Variants in PRMT7 observed in about 807,000 individuals in gnomAD.
The protein encoded by PRMT7 is protein arginine methyltransferase 7.
A neutral mutation model predicts 85.4 loss-of-function variants in PRMT7; 75 were observed. The observed-to-expected ratio is 0.88, with a 90% CI of 0.73 to 1.06. The LOEUF is 1.06. Among genes scored for constraint, PRMT7 ranks in the 50% least tolerant of loss-of-function variants. PRMT7 has a pLI of 0.00. For missense variants in PRMT7, 868 were observed against 915.2 expected, an observed-to-expected ratio of 0.95 and a Z score of 0.67; for synonymous variants, 397 against 359.5, an observed-to-expected ratio of 1.10 and a Z score of -1.18.
downstream of PRMT7, chr16:68,359,828 G>C (rs1281849835): frequency 6.6e-6 from 1 of 152,532 alleles, no homozygotes; most frequent in Non-Finnish European, 1.5e-5. Flanking sequence ...TTAAAGGCAG[G>C]TGGGCAGAGG....
At chr16:68,343,552 C>G (rs1029927730) in intron 9 of PRMT7, among the ~76,000 whole-genome samples, 2 of 152,158 alleles carry the variant, frequency 1.3e-5, no homozygotes, top group African/African-American at 4.8e-5. Context: ...CTGTCACCAG[C>G]TCCTCAACGT....
intron 11 of PRMT7, 130 bp downstream of exon 11, chr16:68,346,410 G>A: frequency 7.5e-7 from 1 of 1,335,238 alleles, no homozygotes; most frequent in Non-Finnish European, 1.0e-6. Flanking sequence ...GCTTCAGCGA[G>A]CGCCTCCTGG....
intron 9 of PRMT7, among the ~76,000 whole-genome samples, chr16:68,343,080 C>T (rs556504315): frequency 7.2e-5 from 11 of 152,094 alleles, no homozygotes; most frequent in African/African-American, 9.6e-5. Context: ...TGGTGGCAGG[C>T]GCCTGTAATC....
In PRMT7 at chr16:68,344,933, T is replaced by TACACACACACACACACATACAC. The variant is rs1555563399; in HGVS notation, c.928-725_928-724insTACACACACACACACACACACA. On this transcript the variant is annotated intron_variant, in intron 9 of 18. Transcript: ENST00000441236. ...CTTTCTGCCTCCCTTCCTGCATCTC[T>TACACACACACACACACATACAC]ACACACACACACACACACACACACG... 1.3e-4 allele frequency among the ~76,000 whole-genome samples: 17 copies of TACACACACACACACACATACAC among 131,164 alleles called. No homozygotes were observed. In the East Asian group the frequency reaches 1.5e-3, roughly 12 times the overall value. 86.0% of individuals were successfully genotyped at this position (131,164 alleles called of 152,430 possible). A position where few individuals can be genotyped will look rare whatever the true frequency, so the allele number is the denominator to read the frequency against.
At chr16:68,319,590 T>TAAAAAAAA (rs58594681) in intron 3 of PRMT7, among the ~76,000 whole-genome samples, 1 of 135,880 alleles carries the variant, frequency 7.4e-6, no homozygotes. Flanking sequence ...GATGTGCCAT[T>TAAAAAAAA]AAAAAAAAAA....
At chr16:68,316,454 G>GA (rs2081869205) in intron 3 of PRMT7, among the ~76,000 whole-genome samples, 1 of 151,624 alleles carries the variant, frequency 6.6e-6, no homozygotes, top group South Asian at 2.1e-4. Context: ...TTTTCCCTTA[G>GA]AAGAAATATT....
intron 10 of PRMT7, 36 bp from the exon 11 acceptor site, chr16:68,346,109 C>T (rs1191784989): frequency 1.2e-6 from 2 of 1,610,200 alleles, no homozygotes; most frequent in Non-Finnish European, 8.5e-7. Context: ...TGGAGGCGCT[C>T]ACAGCCCACG....
chr16:68,323,421 T>A (rs2082738418), intron 4 of PRMT7, among the ~76,000 whole-genome samples: 1 of 152,080 alleles, frequency 6.6e-6, no homozygotes, highest in Admixed American at 6.6e-5. Context: ...GGTTTCACCA[T>A]GTTGGCCAGG....
chr16:68,337,461 G>A lies in PRMT7; in HGVS notation c.394G>A (p.Gly132Ser), dbSNP rs764561131. Residue 132 changes from glycine (G) to serine (S), a missense_variant and splice_region_variant, in exon 7 of 19, where the codon GGT becomes AGT. Coordinates refer to ENST00000441236, the MANE Select transcript of PRMT7 (RefSeq NM_019023.5). ...CTCTGTTTTCTTGTGTTTTTCAGAG[G>A]GTGACATGCCATGCCGTGCCAACAT... ...HSTEVTVGPE[G>S]DMPCRANILV... The A allele has an allele frequency of 3.1e-6, 5 of 1,603,444 alleles. No homozygotes were observed. The Admixed American group carries it at 8.8e-5, about 28-fold the overall frequency.
At chr16:68,335,689 A>G (rs1455676737) in intron 6 of PRMT7, among the ~76,000 whole-genome samples, 1 of 151,822 alleles carries the variant, frequency 6.6e-6, no homozygotes, top group Non-Finnish European at 1.5e-5. Flanking sequence ...CGGAGGGCTC[A>G]GGGATAGGAA....
At chr16:68,314,429 G>A (rs530025766) in intron 2 of PRMT7, among the ~76,000 whole-genome samples, 5 of 152,226 alleles carry the variant, frequency 3.3e-5, no homozygotes, top group Admixed American at 2.6e-4. Context: ...CGAGGGTTTC[G>A]CCATGTTGGC....
chr16:68,339,719 C>A, intron 8 of PRMT7, 69 bp from the exon 9 acceptor site: 1 of 1,580,222 alleles, frequency 6.3e-7, no homozygotes, highest in Non-Finnish European at 8.7e-7. Flanking sequence ...AGTGAAGTCA[C>A]TGTAAAAGCT....
At chr16:68,326,200 A>G (rs894984913) in intron 5 of PRMT7, among the ~76,000 whole-genome samples, 4 of 152,114 alleles carry the variant, frequency 2.6e-5, no homozygotes, top group African/African-American at 7.2e-5. Context: ...GTATATAAAT[A>G]CTTTCCCTAC....
At chr16:68,338,536 C>T (rs191484163) in intron 7 of PRMT7, among the ~76,000 whole-genome samples, 14 of 152,164 alleles carry the variant, frequency 9.2e-5, no homozygotes, top group Non-Finnish European at 1.8e-4. Context: ...GGAGACAGTC[C>T]GGACCAGGGA....
chr16:68,346,009 A>G (rs1347024831), intron 10 of PRMT7, 136 bp from the exon 11 acceptor site: 1 of 1,400,370 alleles, frequency 7.1e-7, no homozygotes, highest in Non-Finnish European at 9.7e-7. Context: ...TTTAGAGCAG[A>G]TGCGTAGGAA....
chr16:68,330,894 C>T (rs552319956), intron 6 of PRMT7, among the ~76,000 whole-genome samples: 1 of 152,244 alleles, frequency 6.6e-6, no homozygotes, highest in East Asian at 1.9e-4. Context: ...CGCGCCCGGC[C>T]TATCTTTTTT....
At chr16:68,322,463 G>T (rs566801789) in intron 4 of PRMT7, 53 of 444,428 alleles carry the variant, frequency 1.2e-4, no homozygotes, top group African/African-American at 8.8e-4. Context: ...CTCCCAAAGT[G>T]CTGGGATTAT....
intron 2 of PRMT7, among the ~76,000 whole-genome samples, chr16:68,312,633 A>G (rs776652646): frequency 6.6e-6 from 1 of 152,052 alleles, no homozygotes; most frequent in Non-Finnish European, 1.5e-5. Context: ...CCTCCTTGTA[A>G]ATGGCCATGC....
chr16:68,328,936 A>C, intron 5 of PRMT7, 130 bp from the exon 6 acceptor site: 1 of 617,382 alleles, frequency 1.6e-6, no homozygotes, highest in East Asian at 3.0e-5. Context: ...CATGATGCAC[A>C]TTTGGAGAAT....
Sources: allele counts gnomAD v4.1 joint callset (sites outside exome capture counted in the v4.1 genomes callset), GRCh38; gene constraint gnomAD v4.1.1; transcripts MANE v1.5; gene names NCBI Gene and HGNC (gene_info 2026-07-23, HGNC 2026-07-21).